The following CENPH variants were observed in gnomAD, a reference collection of about 807,000 sequenced individuals.
CENPH encodes the protein CENP-H.
CENPH carries 40 observed loss-of-function variants against 42.9 expected under a neutral mutation model. The ratio of observed to expected loss-of-function variants is 0.93; its 90% CI spans 0.72 to 1.21. CENPH has a LOEUF of 1.21. Ranked by LOEUF, CENPH falls within the 50% of genes most tolerant of loss-of-function variation. The pLI, the probability that CENPH is intolerant of heterozygous loss-of-function variation, is 0.00. For missense variants in CENPH, 302 were observed against 292.9 expected (o/e 1.03, Z -0.23); for synonymous variants, 88 against 96.5 (o/e 0.91, Z 0.52).
intron 8 of CENPH, among the ~76,000 whole-genome samples, chr5:69,208,745 G>C (rs923685210): frequency 5.3e-5 from 8 of 152,054 alleles, no homozygotes; most frequent in African/African-American, 1.9e-4. Context: ...TTTAATATTG[G>C]TCTGTTTGTA....
chr5:69,209,682 T>G, intron 8 of CENPH, 25 bp from the exon 9 acceptor site: 1 of 1,293,268 alleles, frequency 7.7e-7, no homozygotes, highest in Non-Finnish European at 1.1e-6. Flanking sequence ...ACTTGTAACT[T>G]TAAAACAATT....
chr5:69,194,762 G>T, intron 3 of CENPH, 67 bp downstream of exon 3: 14 of 1,012,960 alleles, frequency 1.4e-5, no homozygotes, highest in Middle Eastern at 2.8e-4. Context: ...CTATTATTTT[G>T]TTGTTAGATG....
At chr5:69,195,652 C>T in intron 3 of CENPH, 65 bp from the exon 4 acceptor site, 1 of 919,308 alleles carries the variant, frequency 1.1e-6, no homozygotes, top group Non-Finnish European at 1.7e-6. Flanking sequence ...TTATTTTATA[C>T]ATTTATTTCA....
chr5:69,197,773 GCA>G (rs2112086212), intron 5 of CENPH, among the ~76,000 whole-genome samples: 1 of 150,448 alleles, frequency 6.6e-6, no homozygotes, highest in African/African-American at 2.4e-5. Context: ...TGCACGTTGT[GCA>G]CATGTACCTT....
chr5:69,191,572 C>T (rs1747872845), intron 1 of CENPH, among the ~76,000 whole-genome samples: 1 of 152,108 alleles, frequency 6.6e-6, no homozygotes, highest in African/African-American at 2.4e-5. Context: ...TGCTGTTTTC[C>T]CAGTGTATTC....
chr5:69,210,076 A>G lies in CENPH; in HGVS notation c.*277A>G, dbSNP rs1284614789. 5 of 204,818 alleles carry G rather than the reference A, an allele frequency of 2.4e-5. No individual in the cohort carries two copies. The highest frequency in any genetic ancestry group is 1.8e-3 in the Middle Eastern group (1 of 548). 12.7% of individuals were successfully genotyped at this position (204,818 alleles called of 1,614,324 possible). A position where few individuals can be genotyped will look rare whatever the true frequency, so the allele number is the denominator to read the frequency against. On this transcript the variant is annotated 3_prime_UTR_variant, in exon 9 of 9. Coordinates refer to ENST00000283006, the MANE Select transcript of CENPH (RefSeq NM_022909.4). ...GAGGGCAGTGGCGCGATCTCGGCTCACTGCAACCTCTGCCTCCCGGGTTCA... is the reference window on the plus strand; with the variant it reads ...GAGGGCAGTGGCGCGATCTCGGCTCGCTGCAACCTCTGCCTCCCGGGTTCA...
At chr5:69,194,134 T>C (rs544988522) in intron 2 of CENPH, among the ~76,000 whole-genome samples, 13 of 152,176 alleles carry the variant, frequency 8.5e-5, no homozygotes, top group African/African-American at 2.9e-4. Flanking sequence ...TGTTGATCCC[T>C]ACACAAGTGC....
chr5:69,190,276 G>A (rs1747846220), intron 1 of CENPH, among the ~76,000 whole-genome samples: 1 of 152,218 alleles, frequency 6.6e-6, no homozygotes, highest in Non-Finnish European at 1.5e-5. Flanking sequence ...AGCAGGAGAA[G>A]GTCCTGGGCC....
chr5:69,195,736 A>G lies in CENPH; in HGVS notation c.259A>G (p.Asn87Asp). 6.4e-7 allele frequency: 1 copy of G among 1,562,106 alleles called. No homozygotes were observed. Among genetic ancestry groups the G allele is most frequent in the Non-Finnish European group, 8.7e-7 (1 of 1,147,166 alleles). ...QIEAKIEDLE[N>D]EIEEVKVAFE... Reference sequence around the variant, plus strand: ...TGATAGTAAAATTGAAGACCTGGAAAATGAAATTGAAGAGGTAAAAGTTGC... The same window carrying G: ...TGATAGTAAAATTGAAGACCTGGAAGATGAAATTGAAGAGGTAAAAGTTGC... The change falls in exon 4 of 9, where the codon AAT (asparagine) becomes GAT (aspartate). Residue 87 changes from asparagine (N) to aspartate (D), a missense_variant. Physicochemically the swap from Asn to Asp is conservative, Grantham distance 23. Transcript: ENST00000283006.
chr5:69,194,845 C>T (rs1400184075), intron 3 of CENPH, 150 bp downstream of exon 3: 1 of 471,200 alleles, frequency 2.1e-6, no homozygotes, highest in Non-Finnish European at 3.8e-6. Flanking sequence ...CTCCTGGGCT[C>T]AAGGGATCCA....
In CENPH at chr5:69,209,270, C is replaced by T. The variant is rs543814079; in HGVS notation, c.652-437C>T. Reference sequence around the variant, plus strand: ...GGGTGTGGTGGCTTATGCCTGTAATCCCAGCAGTTTGGGAGGCCAAGGCGG... The same window carrying T: ...GGGTGTGGTGGCTTATGCCTGTAATTCCAGCAGTTTGGGAGGCCAAGGCGG... On this transcript the variant is annotated intron_variant, in intron 8 of 8. Coordinates refer to ENST00000283006, the MANE Select transcript of CENPH (RefSeq NM_022909.4). Among the ~76,000 whole-genome samples, 7 of 152,174 alleles carry T rather than the reference C, an allele frequency of 4.6e-5. No homozygotes were observed. In the South Asian group the frequency reaches 1.2e-3, roughly 27 times the overall value.
intron 8 of CENPH, 35 bp downstream of exon 8, chr5:69,208,394 T>A: frequency 7.0e-7 from 1 of 1,436,280 alleles, no homozygotes; most frequent in Non-Finnish European, 9.6e-7. Context: ...AGTTTTAATC[T>A]TGTTGCCCAG....
chr5:69,202,369 A>G, intron 5 of CENPH, 137 bp from the exon 6 acceptor site: 1 of 524,236 alleles, frequency 1.9e-6, no homozygotes, highest in Middle Eastern at 5.1e-4. Context: ...ATTTTGTTAA[A>G]CTGACTTTTT....
At chr5:69,197,894 C>T (rs1249271071) in intron 5 of CENPH, among the ~76,000 whole-genome samples, 1 of 145,868 alleles carries the variant, frequency 6.9e-6, no homozygotes, top group Non-Finnish European at 1.5e-5. Flanking sequence ...TGTCTGGCCT[C>T]AGAGGTCTTA....
chr5:69,196,912 T>G, intron 4 of CENPH, 141 bp from the exon 5 acceptor site: 1 of 558,890 alleles, frequency 1.8e-6, no homozygotes, highest in Non-Finnish European at 3.1e-6. Flanking sequence ...CTCAAAGTAT[T>G]TCTCTTATAA....
chr5:69,196,927 A>G, intron 4 of CENPH, 126 bp from the exon 5 acceptor site: 1 of 577,538 alleles, frequency 1.7e-6, no homozygotes, highest in Non-Finnish European at 3.0e-6. Context: ...TTATAATAAT[A>G]TTTTAAAACC....
At chr5:69,197,179 T>TA in intron 5 of CENPH, 70 bp downstream of exon 5, 1 of 973,968 alleles carries the variant, frequency 1.0e-6, no homozygotes, top group Non-Finnish European at 1.5e-6. Flanking sequence ...TTGTGAATTT[T>TA]AAAAAATTAT....
intron 5 of CENPH, among the ~76,000 whole-genome samples, chr5:69,201,484 A>C (rs1174761068): frequency 6.6e-6 from 1 of 152,222 alleles, no homozygotes; most frequent in East Asian, 1.9e-4. Context: ...TTGTTAAAGA[A>C]GTAAAAAAGC....
intron 5 of CENPH, 56 bp from the exon 6 acceptor site, chr5:69,202,450 A>T (rs1325625867): frequency 2.3e-5 from 23 of 1,003,902 alleles, no homozygotes; most frequent in South Asian, 1.0e-4. Flanking sequence ...GACAGCTATT[A>T]TTTTTAATTA....
Sources: gnomAD v4.1 joint callset for allele counts (sites outside exome capture counted in the v4.1 genomes callset) on GRCh38, gnomAD v4.1.1 for gene constraint, MANE v1.5 for transcripts, NCBI Gene and HGNC (gene_info 2026-07-23, HGNC 2026-07-21) for gene names.